Variants in NKAIN2 observed in about 807,000 individuals in gnomAD.
NKAIN2 encodes the protein sodium/potassium transporting ATPase interacting 2.
Under a neutral mutation model 32.6 loss-of-function variants are expected in NKAIN2, and 14 were observed. The observed-to-expected ratio is 0.43, with a 90% CI of 0.28 to 0.67. NKAIN2 has a LOEUF of 0.67. Ranked by LOEUF, NKAIN2 falls within the 30% of genes least tolerant of loss-of-function variation. NKAIN2 has a pLI of 0.17. For synonymous variants in NKAIN2, 80 were observed against 87.2 expected, an observed-to-expected ratio of 0.92 and a Z score of 0.46; for missense variants, 198 against 258.3, an observed-to-expected ratio of 0.77 and a Z score of 1.60.
intron 2 of NKAIN2, among the ~76,000 whole-genome samples, chr6:124,325,018 A>C (rs545529136): frequency 6.6e-6 from 1 of 152,200 alleles, no homozygotes; most frequent in African/African-American, 2.4e-5. Context: ...GTCTTGTACA[A>C]CTTTACATAT....
intron 1 of NKAIN2, among the ~76,000 whole-genome samples, chr6:124,240,151 T>C (rs1021763851): frequency 2.0e-5 from 3 of 152,044 alleles, no homozygotes; most frequent in East Asian, 3.9e-4. Context: ...CTAGAAGAAA[T>C]GGATAAATTC....
chr6:124,805,822 A>T (rs1364938564), intron 5 of NKAIN2, among the ~76,000 whole-genome samples: 3 of 152,178 alleles, frequency 2.0e-5, no homozygotes, highest in East Asian at 1.9e-4. Flanking sequence ...AAGCCAAGGC[A>T]TGAGAACTAC....
intron 1 of NKAIN2, among the ~76,000 whole-genome samples, chr6:123,882,137 T>C (rs1773484332): frequency 6.6e-6 from 1 of 152,078 alleles, no homozygotes; most frequent in African/African-American, 2.4e-5. Context: ...CCTCCGCATA[T>C]TACTCACTTT....
chr6:124,709,357 A>G (rs1775297800), intron 4 of NKAIN2, among the ~76,000 whole-genome samples: 1 of 150,736 alleles, frequency 6.6e-6, no homozygotes, highest in Non-Finnish European at 1.5e-5. Flanking sequence ...GCCTCATAAA[A>G]TGAGTTAGGG....
chr6:123,952,418 T>C (rs975329032), intron 1 of NKAIN2, among the ~76,000 whole-genome samples: 1 of 152,184 alleles, frequency 6.6e-6, no homozygotes, highest in African/African-American at 2.4e-5. Flanking sequence ...GATTCTTATA[T>C]GTCTAAGTCT....
At chr6:123,856,667 G>C (rs1316145955) in intron 1 of NKAIN2, among the ~76,000 whole-genome samples, 1 of 152,128 alleles carries the variant, frequency 6.6e-6, no homozygotes, top group Admixed American at 6.5e-5. Context: ...TTCTCACTAG[G>C]GGTTCTGTTG....
intron 3 of NKAIN2, among the ~76,000 whole-genome samples, chr6:124,624,335 A>G (rs1160823474): frequency 6.6e-6 from 1 of 152,134 alleles, no homozygotes; most frequent in Non-Finnish European, 1.5e-5. Context: ...CATAAAAAGG[A>G]ACACTGGGGT....
At chr6:124,115,107 G>A (rs1215568461) in intron 1 of NKAIN2, among the ~76,000 whole-genome samples, 3 of 152,060 alleles carry the variant, frequency 2.0e-5, no homozygotes, top group Admixed American at 6.6e-5. Flanking sequence ...AAAAAAGGAA[G>A]TTTTGTATTG....
At chr6:124,789,064 A>C (rs1779630491) in intron 4 of NKAIN2, among the ~76,000 whole-genome samples, 1 of 152,074 alleles carries the variant, frequency 6.6e-6, no homozygotes, top group African/African-American at 2.4e-5. Flanking sequence ...TAGTTAAAGA[A>C]TGAAAATGAA....
intron 1 of NKAIN2, among the ~76,000 whole-genome samples, chr6:124,219,237 T>C (rs929608126): frequency 6.6e-6 from 1 of 152,040 alleles, no homozygotes; most frequent in African/African-American, 2.4e-5. Context: ...TATTAACTCA[T>C]TGAGCAAACA....
intron 1 of NKAIN2, among the ~76,000 whole-genome samples, chr6:124,179,166 C>T (rs1789311924): frequency 6.6e-6 from 1 of 152,172 alleles, no homozygotes; most frequent in South Asian, 2.1e-4. Flanking sequence ...ATGTTTCCTA[C>T]CAAATAATTA....
At chr6:124,739,176 A>G (rs532469900) in intron 4 of NKAIN2, among the ~76,000 whole-genome samples, 23 of 152,046 alleles carry the variant, frequency 1.5e-4, no homozygotes, top group African/African-American at 5.5e-4. Flanking sequence ...ATAAAATACA[A>G]TATGGATGGA....
intron 1 of NKAIN2, among the ~76,000 whole-genome samples, chr6:124,263,555 G>A (rs1027256979): frequency 2.0e-5 from 3 of 152,124 alleles, no homozygotes; most frequent in African/African-American, 7.2e-5. Flanking sequence ...ACATGGCCAT[G>A]TTAATACATT....
At chr6:124,596,306 G>T (rs1320341716) in intron 3 of NKAIN2, among the ~76,000 whole-genome samples, 1 of 152,130 alleles carries the variant, frequency 6.6e-6, no homozygotes, top group Non-Finnish European at 1.5e-5. Context: ...CCTGAATCAG[G>T]TCCCAGAGTG....
chr6:124,379,905 A>C (rs1772549748), intron 3 of NKAIN2, among the ~76,000 whole-genome samples: 1 of 152,156 alleles, frequency 6.6e-6, no homozygotes. Flanking sequence ...AAAATTAACA[A>C]AAGTTCTGGA....
chr6:123,959,925 A>ATATG (rs1184463469), intron 1 of NKAIN2, among the ~76,000 whole-genome samples: 1 of 141,270 alleles, frequency 7.1e-6, no homozygotes, highest in Non-Finnish European at 1.5e-5. Flanking sequence ...TCTTCCATAT[A>ATATG]TGTGTGTGTG....
At chr6:123,918,311 T>A (rs1468428576) in intron 1 of NKAIN2, among the ~76,000 whole-genome samples, 1 of 152,218 alleles carries the variant, frequency 6.6e-6, no homozygotes, top group Admixed American at 6.5e-5. Flanking sequence ...AAGTACAACA[T>A]AGCTATATGC....
chr6:124,309,979 T>A (rs1796649900), intron 2 of NKAIN2, among the ~76,000 whole-genome samples: 1 of 152,144 alleles, frequency 6.6e-6, no homozygotes, highest in African/African-American at 2.4e-5. Context: ...AGAGGTAAAA[T>A]TACTTAGTTC....
chr6:124,375,613 A>G (rs1799957981), intron 3 of NKAIN2, among the ~76,000 whole-genome samples: 1 of 151,884 alleles, frequency 6.6e-6, no homozygotes. Context: ...TACAGACTTT[A>G]TACAATAAAG....
Sources: allele counts gnomAD v4.1 joint callset (sites outside exome capture counted in the v4.1 genomes callset), GRCh38; gene constraint gnomAD v4.1.1; transcripts MANE v1.5; gene names NCBI Gene and HGNC (gene_info 2026-07-23, HGNC 2026-07-21).